ORMDL3: variants seen among roughly 807,000 people sequenced by gnomAD.
The protein encoded by ORMDL3 is ORM1-like protein 3.
Under a neutral mutation model 12.6 loss-of-function variants are expected in ORMDL3, and 6 were observed. The ratio of observed to expected loss-of-function variants is 0.48; its 90% confidence interval spans 0.26 to 0.94. The LOEUF (loss-of-function observed/expected upper bound fraction) is 0.94. ORMDL3 is among the 40% of genes least tolerant of loss of function. The pLI, the probability that ORMDL3 is intolerant of heterozygous loss-of-function variation, is 0.14. For missense variants in ORMDL3, 159 were observed against 205.5 expected (o/e 0.77, Z 1.38); for synonymous variants, 99 against 87.2 (o/e 1.14, Z -0.75).
chr17:39,926,803 T>A, intron 1 of ORMDL3: 1 of 985,958 alleles, frequency 1.0e-6, no homozygotes, highest in Non-Finnish European at 1.2e-6. Context: ...AGAGCAGCCC[T>A]CACAACAGCA....
chr17:39,921,112 A>G lies in ORMDL3; in HGVS notation c.*1438T>C, dbSNP rs1978292787. On this transcript the variant is annotated 3_prime_UTR_variant, in exon 4 of 4. Coordinates refer to ENST00000304046, the MANE Select transcript of ORMDL3 (RefSeq NM_139280.4). ...TACAAAGGGAGTAAAAATCCTATTC[A>G]CACTTTGCTTAGAAAGATTTTAAGG... is the stretch of plus-strand genomic sequence containing the variant. 1 of 152,766 alleles carries G rather than the reference A, an allele frequency of 6.5e-6. No homozygotes were observed. The highest frequency in any genetic ancestry group is 2.4e-5 in the African/African-American group (1 of 41,450). The allele number at this position is 152,766 out of a possible 1,614,324, so 9.5% of individuals were successfully genotyped here.
At chr17:39,922,993 A>T (rs1215309190) in intron 3 of ORMDL3, 119 bp downstream of exon 3, 4 of 1,358,114 alleles carry the variant, frequency 2.9e-6, no homozygotes, top group Middle Eastern at 2.5e-4. Context: ...GAATATTCCA[A>T]CTTCCTCTGT....
chr17:39,922,492 A>C lies in ORMDL3; in HGVS notation c.*58T>G. 7.7e-6 allele frequency: 12 copies of C among 1,561,648 alleles called. No homozygotes were observed. The highest frequency in any genetic ancestry group is 1.0e-5 in the Non-Finnish European group (12 of 1,151,238). On this transcript the variant is annotated 3_prime_UTR_variant, in exon 4 of 4. Transcript: ENST00000304046. ...TTCTTTCTGTCTTCAGTGTTGCAGC[A>C]CATGCCTTTTACCCTACCCCTCCCC...
Position 39,926,923 on chromosome 17 carries a change from C to A in ORMDL3, c.-23+561G>T, listed in dbSNP as rs572222206. On this transcript the variant is annotated intron_variant, in intron 1 of 3. Transcript: ENST00000304046. The stretch of plus-strand genomic sequence containing the variant: ...ATGCCATGTCCATTCCGCCCACCCC[C>A]CAAGCTGCAGGACCACAGCTGATAA... 5.0e-4 allele frequency: 497 copies of A among 985,998 alleles called. 1 individual carries two copies. The African/African-American group carries it at 8.1e-3, about 16-fold the overall frequency. The allele number at this position is 985,998 out of a possible 1,614,324, so 61.1% of individuals were successfully genotyped here. A position where few individuals can be genotyped will look rare whatever the true frequency, so the allele number is the denominator to read the frequency against.
rs73985228 is a variant in ORMDL3, at chr17:39,922,412, G to C, written c.*138C>G. ...CAAGTTGGCTACTGGGGGAAGCGAG[G>C]GGGGAAATTAGGCCAGAGGCTCAAC... On this transcript the variant is annotated 3_prime_UTR_variant, in exon 4 of 4. Coordinates refer to ENST00000304046, the MANE Select transcript of ORMDL3 (RefSeq NM_139280.4). 2 of 1,110,896 alleles carry C rather than the reference G, an allele frequency of 1.8e-6. No individual in the cohort carries two copies. Among genetic ancestry groups the C allele is most frequent in the South Asian group, 1.6e-5 (1 of 60,834 alleles). The allele number at this position is 1,110,896 out of a possible 1,614,324, so 68.8% of individuals were successfully genotyped here.
At chr17:39,927,337 CGATGCACCCCCTCGGCT>C (rs1380626439) in intron 1 of ORMDL3, 130 bp downstream of exon 1, 6 of 507,366 alleles carry the variant, frequency 1.2e-5, no homozygotes, top group Non-Finnish European at 1.5e-5. Context: ...CCTCCCCAGC[CGATGCACCCCCTCGGCT>C]GATGCACTCC....
chr17:39,926,883 G>A (rs1162250059), intron 1 of ORMDL3: 1 of 986,300 alleles, frequency 1.0e-6, no homozygotes, highest in South Asian at 4.7e-5. Context: ...GGGGAGTCCG[G>A]GGCAGCACGT....
Position 39,922,348 on chromosome 17 carries a change from A to C in ORMDL3, c.*202T>G. On this transcript the variant is annotated 3_prime_UTR_variant, in exon 4 of 4. Transcript: ENST00000304046. Reference sequence around the variant, plus strand: ...GATCAAAAAATTCAGAAAAGGTCAGAGCCCAGGGGGCCTACCCCAACCCCA... The same window carrying C: ...GATCAAAAAATTCAGAAAAGGTCAGCGCCCAGGGGGCCTACCCCAACCCCA... The C allele has an allele frequency of 1.7e-6, 1 of 580,920 alleles. No homozygotes were observed. Among genetic ancestry groups the C allele is most frequent in the Admixed American group, 2.8e-5 (1 of 35,806 alleles). The allele number at this position is 580,920 out of a possible 1,614,324, so 36.0% of individuals were successfully genotyped here.
At chr17:39,926,925 A>C in intron 1 of ORMDL3, 1 of 985,840 alleles carries the variant, frequency 1.0e-6, no homozygotes, top group Non-Finnish European at 1.2e-6. Flanking sequence ...CCCACCCCCC[A>C]AGCTGCAGGA....
chr17:39,924,161 G>A lies in ORMDL3; in HGVS notation c.43C>T (p.Arg15Trp), dbSNP rs774130627. 24 of 1,613,542 alleles carry A rather than the reference G, an allele frequency of 1.5e-5. 1 individual carries two copies. The South Asian group carries it at 2.1e-4, about 14-fold the overall frequency. Residue 15 changes from arginine to tryptophan, a missense_variant, in exon 2 of 4, where the codon CGG becomes TGG. By Grantham distance (101) the Arg-to-Trp change is moderately radical (BLOSUM62 -3). Coordinates refer to ENST00000304046, the MANE Select transcript of ORMDL3 (RefSeq NM_139280.4). Reference protein sequence around the residue: ...TAHSEVNPNTRVMNSRGIWLS... With the variant: ...TAHSEVNPNTWVMNSRGIWLS... Reference sequence around the variant, plus strand: ...CAGATGCCACGGCTGTTCATCACCCGCGTGTTGGGGTTCACCTCGCTGTGC... The same window carrying A: ...CAGATGCCACGGCTGTTCATCACCCACGTGTTGGGGTTCACCTCGCTGTGC...
Position 39,923,262 on chromosome 17 carries a change from C to G in ORMDL3, c.176G>C (p.Gly59Ala). The part of the protein sequence containing the change: ...WTLTNLIHNM[G>A]MYIFLHTVKG... ...CACCGTGTGCAGGAAGATATACATG[C>G]CCTGGAGGAAGAAGTCTTTGTTAGA... is the stretch of plus-strand genomic sequence containing the variant. The change falls in exon 3 of 4, where the codon GGC becomes GCC. Residue 59 changes from glycine to alanine, a missense_variant and splice_region_variant. Gly to Ala is a moderately conservative substitution (Grantham distance 60, BLOSUM62 0). Transcript: ENST00000304046. 6.2e-7 allele frequency: 1 copy of G among 1,614,082 alleles called. No homozygotes were observed. The highest frequency in any genetic ancestry group is 8.5e-7 in the Non-Finnish European group (1 of 1,179,954).
At chr17:39,926,927 G>A (rs1218045004) in intron 1 of ORMDL3, 2 of 985,798 alleles carry the variant, frequency 2.0e-6, no homozygotes, top group African/African-American at 3.5e-5. Flanking sequence ...CACCCCCCAA[G>A]CTGCAGGACC....
At position 39,927,601 on chromosome 17, in the gene ORMDL3, C is replaced by T; in HGVS notation, c.-140G>A. ...TCCCCGCTGGCAGCTCCGGCCGAAT[C>T]AGCGCTCCGCGCCGGTCCCCGTACG... On this transcript the variant is annotated 5_prime_UTR_variant, in exon 1 of 4. Coordinates refer to ENST00000304046, the MANE Select transcript of ORMDL3 (RefSeq NM_139280.4). 2 of 985,992 alleles carry T rather than the reference C, an allele frequency of 2.0e-6. No individual in the cohort carries two copies. The highest frequency in any genetic ancestry group is 2.4e-6 in the Non-Finnish European group (2 of 830,290). The allele number at this position is 985,992 out of a possible 1,614,324, so 61.1% of individuals were successfully genotyped here.
chr17:39,923,972 A>G, intron 2 of ORMDL3, 58 bp downstream of exon 2: 1 of 1,495,560 alleles, frequency 6.7e-7, no homozygotes, highest in Non-Finnish European at 9.0e-7. Flanking sequence ...CAGCCCTGCC[A>G]AAGGGCAGCC....
At chr17:39,923,482 C>T (rs1392764615) in intron 2 of ORMDL3, among the ~76,000 whole-genome samples, 2 of 151,996 alleles carry the variant, frequency 1.3e-5, no homozygotes, top group East Asian at 3.9e-4. Flanking sequence ...CATGAGAATG[C>T]ACGGTGGAAG....
In ORMDL3 at chr17:39,927,448, G is replaced by C. The variant is rs927458862; in HGVS notation, c.-23+36C>G. The C allele has an allele frequency of 7.1e-6, 7 of 983,574 alleles. No homozygotes were observed. In the African/African-American group the frequency reaches 1.2e-4, roughly 17 times the overall value. The allele number at this position is 983,574 out of a possible 1,614,324, so 60.9% of individuals were successfully genotyped here. ...CCCCACCTTCTCTCCCGCCCCTCCC[G>C]TAGCCCTGGGGCCTCTTGGTTCCTT... On this transcript the variant is annotated intron_variant, in intron 1 of 3. Coordinates refer to ENST00000304046, the MANE Select transcript of ORMDL3 (RefSeq NM_139280.4).
chr17:39,924,864 A>C (rs1978335131), intron 1 of ORMDL3: 1 of 152,346 alleles, frequency 6.6e-6, no homozygotes, highest in Admixed American at 6.5e-5. Context: ...AGGAGAAAAC[A>C]ACAGACTAGG....
At position 39,922,409 on chromosome 17, in the gene ORMDL3, G is replaced by A. The variant is rs111593324; in HGVS notation, c.*141C>T. 1.1e-3 allele frequency: 1,141 copies of A among 1,085,528 alleles called. 11 individuals carry two copies. In the African/African-American group the frequency reaches 0.015, roughly 14 times the overall value. 67.2% of individuals were successfully genotyped at this position (1,085,528 alleles called of 1,614,324 possible). A position where few individuals can be genotyped will look rare whatever the true frequency, so the allele number is the denominator to read the frequency against. ...CTCCAAGTTGGCTACTGGGGGAAGC[G>A]AGGGGGGAAATTAGGCCAGAGGCTC... On this transcript the variant is annotated 3_prime_UTR_variant, in exon 4 of 4. Coordinates refer to ENST00000304046, the MANE Select transcript of ORMDL3 (RefSeq NM_139280.4).
chr17:39,927,348 C>T (rs1978488559), intron 1 of ORMDL3, 136 bp downstream of exon 1: 1 of 582,476 alleles, frequency 1.7e-6, no homozygotes, highest in African/African-American at 2.0e-5. Context: ...GATGCACCCC[C>T]TCGGCTGATG....
Sources: allele counts gnomAD v4.1 joint callset (sites outside exome capture counted in the v4.1 genomes callset), GRCh38; gene constraint gnomAD v4.1.1; transcripts MANE v1.5; gene names NCBI Gene and HGNC (gene_info 2026-07-23, HGNC 2026-07-21).